The following IL1RAPL2 variants were observed in gnomAD, a reference collection of about 807,000 sequenced individuals.
IL1RAPL2 encodes the protein interleukin 1 receptor accessory protein like 2.
A neutral mutation model predicts 44.1 loss-of-function variants in IL1RAPL2; 3 were observed. The observed-to-expected ratio is 0.07, with a 90% CI of 0.03 to 0.18. The LOEUF is 0.18. IL1RAPL2 is among the 10% of genes least tolerant of loss of function. The pLI, the probability that IL1RAPL2 is intolerant of heterozygous loss-of-function variation, is 1.00. For synonymous variants in IL1RAPL2, 181 were observed against 178.8 expected (o/e 1.01, Z -0.10); for missense variants, 391 against 496.4 (o/e 0.79, Z 2.02).
intron 2 of IL1RAPL2, among the ~76,000 whole-genome samples, chrX:104,979,382 C>T (rs1438533070): frequency 1.8e-5 from 2 of 111,109 alleles, no homozygotes; most frequent in Non-Finnish European, 3.8e-5. Flanking sequence ...GATGGGAGAT[C>T]TTGGCATATA....
At chrX:105,035,225 C>T (rs1040671019) in intron 2 of IL1RAPL2, among the ~76,000 whole-genome samples, 10 of 111,694 alleles carry the variant, frequency 9.0e-5, no homozygotes, top group African/African-American at 2.3e-4. Flanking sequence ...CTTCGGCTCA[C>T]GCACGGTGCA....
At chrX:104,904,965 T>C (rs1339355756) in intron 2 of IL1RAPL2, among the ~76,000 whole-genome samples, 8 of 111,292 alleles carry the variant, frequency 7.2e-5, no homozygotes, top group Non-Finnish European at 1.3e-4. Context: ...CCAACACCTG[T>C]TGTTTCCTGA....
chrX:104,609,507 T>C (rs1200625858), intron 1 of IL1RAPL2, among the ~76,000 whole-genome samples: 1 of 112,564 alleles, frequency 8.9e-6, no homozygotes, highest in African/African-American at 3.2e-5. Context: ...AGATTTGGTC[T>C]CTTCACATAG....
chrX:104,841,430 A>T (rs940745215), intron 2 of IL1RAPL2, among the ~76,000 whole-genome samples: 9 of 112,040 alleles, frequency 8.0e-5, no homozygotes, highest in African/African-American at 2.9e-4. Context: ...TCCTGTCATC[A>T]TGATGCTAGC....
At chrX:105,353,977 G>A (rs1490467779) in intron 5 of IL1RAPL2, among the ~76,000 whole-genome samples, 1 of 110,935 alleles carries the variant, frequency 9.0e-6, no homozygotes, top group African/African-American at 3.3e-5. Context: ...ATGTTGAATA[G>A]GAGTGGTGAG....
chrX:104,649,602 C>T (rs1053241658), intron 1 of IL1RAPL2, among the ~76,000 whole-genome samples: 2 of 111,359 alleles, frequency 1.8e-5, no homozygotes, highest in Non-Finnish European at 3.8e-5. Flanking sequence ...TATGTATGTA[C>T]GTGTCTGATT....
chrX:105,016,648 A>G (rs776475237), intron 2 of IL1RAPL2, among the ~76,000 whole-genome samples: 1 of 111,954 alleles, frequency 8.9e-6, no homozygotes, highest in Non-Finnish European at 1.9e-5. Context: ...CTAGCCTTAC[A>G]TCCCAGGGAT....
chrX:105,343,890 T>C (rs1054845036), intron 5 of IL1RAPL2, among the ~76,000 whole-genome samples: 14 of 110,712 alleles, frequency 1.3e-4, no homozygotes, highest in Admixed American at 2.9e-4. Context: ...CTTTTTTTTT[T>C]TTTCTTTCTT....
chrX:105,299,062 C>T (rs756317971), intron 5 of IL1RAPL2, among the ~76,000 whole-genome samples: 3 of 111,300 alleles, frequency 2.7e-5, no homozygotes, highest in East Asian at 2.8e-4. Context: ...ATGGAGAAAT[C>T]GAGGAGTTAG....
intron 5 of IL1RAPL2, among the ~76,000 whole-genome samples, chrX:105,275,139 A>G (rs1323928317): frequency 9.2e-6 from 1 of 109,191 alleles, no homozygotes; most frequent in African/African-American, 3.3e-5. Flanking sequence ...TGAACTCGGG[A>G]GGTGGAGGTT....
intron 4 of IL1RAPL2, among the ~76,000 whole-genome samples, chrX:105,261,303 T>C (rs1172219231): frequency 8.9e-6 from 1 of 111,977 alleles, no homozygotes. Context: ...ACAGGTCAAG[T>C]TGTTTTCTTG....
At chrX:105,018,421 G>C (rs61655668) in intron 2 of IL1RAPL2, among the ~76,000 whole-genome samples, 1,941 of 111,450 alleles carry the variant, frequency 0.017, 45 homozygotes, top group African/African-American at 0.06. Flanking sequence ...CCTCACTTCA[G>C]TTGCCTTCTC....
At chrX:104,860,958 C>A (rs896013563) in intron 2 of IL1RAPL2, among the ~76,000 whole-genome samples, 11 of 111,341 alleles carry the variant, frequency 9.9e-5, no homozygotes, top group Non-Finnish European at 1.9e-4. Flanking sequence ...TTCTTTACCC[C>A]TCCTTTGACT....
chrX:104,599,090 GA>G (rs1424602671), intron 1 of IL1RAPL2, among the ~76,000 whole-genome samples: 1 of 111,421 alleles, frequency 9.0e-6, no homozygotes, highest in Non-Finnish European at 1.9e-5. Flanking sequence ...GGGATAAGGA[GA>G]AATTGCAGAT....
At chrX:105,244,777 A>C (rs1380863313) in intron 4 of IL1RAPL2, among the ~76,000 whole-genome samples, 1 of 112,390 alleles carries the variant, frequency 8.9e-6, no homozygotes. Context: ...TTGAGCAAAG[A>C]ATGATTTGCA....
At chrX:104,871,154 C>G (rs1267893555) in intron 2 of IL1RAPL2, among the ~76,000 whole-genome samples, 1 of 111,377 alleles carries the variant, frequency 9.0e-6, no homozygotes, top group African/African-American at 3.2e-5. Flanking sequence ...AAAAGATCCC[C>G]TGAAAAAGTA....
intron 2 of IL1RAPL2, among the ~76,000 whole-genome samples, chrX:104,722,132 C>T (rs777758474): frequency 4.6e-4 from 51 of 110,995 alleles, no homozygotes; most frequent in Non-Finnish European, 7.8e-4. Flanking sequence ...AAAACACTAT[C>T]TGTAAAGAGG....
At chrX:105,353,299 T>G (rs1316090936) in intron 5 of IL1RAPL2, among the ~76,000 whole-genome samples, 2 of 111,549 alleles carry the variant, frequency 1.8e-5, no homozygotes, top group Admixed American at 1.9e-4. Flanking sequence ...TATATCTGTT[T>G]AGGTACCAGT....
chrX:104,637,438 G>A (rs1484368328), intron 1 of IL1RAPL2, among the ~76,000 whole-genome samples: 2 of 110,745 alleles, frequency 1.8e-5, no homozygotes, highest in African/African-American at 6.6e-5. Context: ...TCAATATAAT[G>A]TTAGCTGTGA....
Sources: allele counts gnomAD v4.1 joint callset (sites outside exome capture counted in the v4.1 genomes callset), GRCh38; gene constraint gnomAD v4.1.1; transcripts MANE v1.5; gene names NCBI Gene and HGNC (gene_info 2026-07-23, HGNC 2026-07-21).